The following RPS17 variants were observed in gnomAD, a reference collection of about 807,000 sequenced individuals.
The protein encoded by RPS17 is small ribosomal subunit protein eS17.
For missense variants in RPS17, 68 were observed against 182.3 expected, an observed-to-expected ratio of 0.37 and a Z score of 3.61; for synonymous variants, 75 against 65.6, an observed-to-expected ratio of 1.14 and a Z score of -0.70.
rs2034317048 is a variant in RPS17 at position 82,539,974 on chromosome 15, G to A, written c.155+7C>T. On this transcript the variant is annotated splice_region_variant and intron_variant, in intron 2 of 4. Transcript: ENST00000647841. ...GAGCCCCGGAGGCCGAGGAAGGCCC[G>A]ACTCACCCTGCTATCTTGTTGCGGA... 1.9e-6 allele frequency: 3 copies of A among 1,612,062 alleles called. No homozygotes were observed. The highest frequency in any genetic ancestry group is 2.2e-5 in the South Asian group (2 of 90,982).
chr15:82,540,288 G>A, intron 1 of RPS17, 138 bp downstream of exon 1: 1 of 1,592,220 alleles, frequency 6.3e-7, no homozygotes, highest in Non-Finnish European at 8.6e-7. Flanking sequence ...TAATGCGGAA[G>A]CCGCCGGCCC....
chr15:82,539,770 A>G, intron 2 of RPS17: 1 of 797,046 alleles, frequency 1.3e-6, no homozygotes, highest in East Asian at 2.5e-5. Context: ...GACGGTGGCT[A>G]CCTTCGACCC....
intron 4 of RPS17, chr15:82,537,121 A>C (rs1009086327): frequency 1.6e-6 from 1 of 606,754 alleles, no homozygotes; most frequent in Admixed American, 2.9e-5. Flanking sequence ...TACCCAATGT[A>C]CCATGCCATT....
intron 4 of RPS17, 63 bp from the exon 5 acceptor site, chr15:82,536,944 G>C: frequency 6.3e-7 from 1 of 1,591,630 alleles, no homozygotes; most frequent in South Asian, 1.1e-5. Context: ...GACCCCAGAA[G>C]AAAACACAGG....
chr15:82,540,454 A>G lies in RPS17; in HGVS notation c.-26T>C, dbSNP rs895764114. 1 of 1,589,206 alleles carries G rather than the reference A, an allele frequency of 6.3e-7. No homozygotes were observed. The highest frequency in any genetic ancestry group is 2.3e-5 in the East Asian group (1 of 44,126). On this transcript the variant is annotated 5_prime_UTR_variant, in exon 1 of 5. Transcript: ENST00000647841. ...GTTGGCGGGTCCTTGGTAAAAGAGG[A>G]AACAGGAAGCACAGGCGAAGCCTGT...
At chr15:82,538,243 A>G (rs946303432) in intron 4 of RPS17, 63 bp downstream of exon 4, 19 of 1,584,378 alleles carry the variant, frequency 1.2e-5, no homozygotes, top group Middle Eastern at 3.3e-4. Context: ...ACCTTGGATA[A>G]TAAGACCTAC....
intron 4 of RPS17, 122 bp downstream of exon 4, chr15:82,538,184 G>A (rs2150887366): frequency 1.9e-6 from 2 of 1,067,130 alleles, no homozygotes; most frequent in East Asian, 4.9e-5. Flanking sequence ...CAGTTTAGTG[G>A]CTACAAGTTT....
rs1039227896 is a variant in RPS17, at chr15:82,537,361, A to C, written c.328-480T>G. 2.5e-3 allele frequency: 681 copies of C among 275,254 alleles called. 5 individuals carry two copies. Among genetic ancestry groups the C allele is most frequent in the African/African-American group, 0.014 (634 of 45,394 alleles). The allele number at this position is 275,254 out of a possible 1,614,324, so 17.1% of individuals were successfully genotyped here. ...ATTGCCAAATGTCCTCTAAAGCAAA[A>C]CTCTGTCCCTTTGAGAATACACAGT... On this transcript the variant is annotated intron_variant, in intron 4 of 4. Transcript: ENST00000647841.
intron 2 of RPS17, chr15:82,539,539 A>G (rs1423915099): frequency 2.5e-5 from 11 of 447,742 alleles, no homozygotes; most frequent in Non-Finnish European, 4.9e-5. Flanking sequence ...AAATACAAAA[A>G]TTAGCCGAGT....
chr15:82,540,435 G>C lies in RPS17; in HGVS notation c.-7C>G, dbSNP rs775421410. On this transcript the variant is annotated 5_prime_UTR_variant, in exon 1 of 5. Transcript: ENST00000647841. Reference sequence around the variant, plus strand: ...GAGCCAAAACACCTACCATGTTGGCGGGTCCTTGGTAAAAGAGGAAACAGG... The same window carrying C: ...GAGCCAAAACACCTACCATGTTGGCCGGTCCTTGGTAAAAGAGGAAACAGG... The C allele has an allele frequency of 1.3e-6, 2 of 1,594,398 alleles. No individual in the cohort carries two copies. Among genetic ancestry groups the C allele is most frequent in the South Asian group, 1.1e-5 (1 of 87,728 alleles).
chr15:82,539,913 G>A lies in RPS17; in HGVS notation c.155+68C>T. 1.9e-6 allele frequency: 3 copies of A among 1,611,106 alleles called. No homozygotes were observed. The East Asian group carries it at 6.7e-5, about 36-fold the overall frequency. ...AACCACCAAGGCACCGTCTCTTCCCGAGTCGGAGGGCGGCAGAGCACACAA... is the reference window on the plus strand; with the variant it reads ...AACCACCAAGGCACCGTCTCTTCCCAAGTCGGAGGGCGGCAGAGCACACAA... On this transcript the variant is annotated intron_variant, in intron 2 of 4. Transcript: ENST00000647841.
chr15:82,537,241 T>C (rs1463919622), intron 4 of RPS17: 1 of 379,128 alleles, frequency 2.6e-6, no homozygotes, highest in Non-Finnish European at 5.0e-6. Context: ...GCAGCTGTAC[T>C]GTGTATTGCA....
intron 4 of RPS17, chr15:82,537,721 C>T: frequency 2.6e-6 from 1 of 386,114 alleles, no homozygotes; most frequent in Admixed American, 3.2e-5. Context: ...CATGTGAGTT[C>T]ATTTTGCTAC....
intron 4 of RPS17, 146 bp downstream of exon 4, chr15:82,538,160 T>G (rs2034274353): frequency 2.4e-6 from 2 of 835,022 alleles, no homozygotes; most frequent in African/African-American, 3.3e-5. Flanking sequence ...GCTACACCCC[T>G]TATGAAAGCA....
At chr15:82,540,300 T>G in intron 1 of RPS17, 126 bp downstream of exon 1, 1 of 1,585,768 alleles carries the variant, frequency 6.3e-7, no homozygotes, top group Non-Finnish European at 8.6e-7. Flanking sequence ...CGCCGGCCCG[T>G]TGCGCTCCAG....
chr15:82,539,851 C>T lies in RPS17; in HGVS notation c.155+130G>A. The T allele has an allele frequency of 2.1e-6, 3 of 1,458,184 alleles. No homozygotes were observed. In the Admixed American group the frequency reaches 5.0e-5, roughly 24 times the overall value. 90.3% of individuals were successfully genotyped at this position (1,458,184 alleles called of 1,614,324 possible). On this transcript the variant is annotated intron_variant, in intron 2 of 4. Coordinates refer to ENST00000647841, the MANE Select transcript of RPS17 (RefSeq NM_001021.6). ...AAATCCTGCACACGCAGAGCTCTAG[C>T]CCTTCTCCGGGACACCAGGGAGTCT...
intron 4 of RPS17, chr15:82,537,863 A>G (rs1028018353): frequency 2.2e-6 from 1 of 456,256 alleles, no homozygotes. Context: ...AGCCATAGAA[A>G]AAACATCAAA....
In RPS17 at chr15:82,540,437, G is replaced by A; in HGVS notation, c.-9C>T. 4 of 1,594,132 alleles carry A rather than the reference G, an allele frequency of 2.5e-6. No homozygotes were observed. The South Asian group carries it at 4.6e-5, about 18-fold the overall frequency. ...GCCAAAACACCTACCATGTTGGCGG[G>A]TCCTTGGTAAAAGAGGAAACAGGAA... On this transcript the variant is annotated 5_prime_UTR_variant, in exon 1 of 5. Transcript: ENST00000647841.
At position 82,540,429 on chromosome 15, in the gene RPS17, G is replaced by A; in HGVS notation, c.-1C>T. On this transcript the variant is annotated 5_prime_UTR_variant, in exon 1 of 5. Coordinates refer to ENST00000647841, the MANE Select transcript of RPS17 (RefSeq NM_001021.6). ...GGCCTCGAGCCAAAACACCTACCAT[G>A]TTGGCGGGTCCTTGGTAAAAGAGGA... The A allele has an allele frequency of 1.3e-6, 2 of 1,595,878 alleles. No individual in the cohort carries two copies. Among genetic ancestry groups the A allele is most frequent in the South Asian group, 1.1e-5 (1 of 87,910 alleles).
Sources: allele counts gnomAD v4.1 joint callset, GRCh38; gene constraint gnomAD v4.1.1; transcripts MANE v1.5; gene names NCBI Gene and HGNC (gene_info 2026-07-23, HGNC 2026-07-21).